The following SLC1A6 variants were observed in gnomAD, a reference collection of about 807,000 sequenced individuals.
The protein encoded by SLC1A6 is excitatory amino acid transporter 4.
SLC1A6 carries 15 observed loss-of-function variants against 42.1 expected under a neutral mutation model. The ratio of observed to expected loss-of-function variants is 0.36; its 90% CI spans 0.24 to 0.55. The LOEUF is 0.55. Among genes scored for constraint, SLC1A6 ranks in the 20% least tolerant of loss-of-function variants. The pLI is 0.88. For missense variants in SLC1A6, 542 were observed against 772.5 expected (o/e 0.70, Z 3.54); for synonymous variants, 317 against 319.7 (o/e 0.99, Z 0.09).
chr19:14,970,264 TCTCA>T (rs2045622670), intron 3 of SLC1A6, among the ~76,000 whole-genome samples: 1 of 151,762 alleles, frequency 6.6e-6, no homozygotes, highest in South Asian at 2.1e-4. Flanking sequence ...AGAGATGGAG[TCTCA>T]CTGTGTTGCC....
At chr19:14,991,285 T>C (rs2045818604) in intron 1 of SLC1A6, among the ~76,000 whole-genome samples, 1 of 152,104 alleles carries the variant, frequency 6.6e-6, no homozygotes, top group Non-Finnish European at 1.5e-5. Context: ...GTTCTGGACC[T>C]AGATAGAGGT....
chr19:14,993,990 G>A (rs781576669), intron 1 of SLC1A6, among the ~76,000 whole-genome samples: 1 of 152,096 alleles, frequency 6.6e-6, no homozygotes, highest in African/African-American at 2.4e-5. Flanking sequence ...AGAAGCTAGC[G>A]GGCCTTTTGC....
intron 7 of SLC1A6, among the ~76,000 whole-genome samples, chr19:14,955,650 T>G (rs1053866427): frequency 4.6e-5 from 7 of 151,296 alleles, no homozygotes; most frequent in African/African-American, 1.7e-4. Flanking sequence ...AAAAGATATT[T>G]TTGGCCGGGC....
intron 1 of SLC1A6, among the ~76,000 whole-genome samples, chr19:15,002,093 GT>G (rs1483639970): frequency 6.6e-6 from 1 of 151,774 alleles, no homozygotes; most frequent in Non-Finnish European, 1.5e-5. Flanking sequence ...TTTTATTATT[GT>G]TTTATTTTGT....
intron 4 of SLC1A6, among the ~76,000 whole-genome samples, chr19:14,967,981 T>A (rs2045593111): frequency 6.6e-6 from 1 of 152,224 alleles, no homozygotes; most frequent in Non-Finnish European, 1.5e-5. Flanking sequence ...CATTTAAATG[T>A]TAAGTAAATG....
chr19:15,002,964 A>ATGTTGTTGTTGT (rs140957015), intron 1 of SLC1A6, among the ~76,000 whole-genome samples: 1 of 150,814 alleles, frequency 6.6e-6, no homozygotes, highest in African/African-American at 2.4e-5. Context: ...TTTTTGTGGG[A>ATGTTGTTGTTGT]TGTTGTTGTT....
chr19:15,000,374 GC>G (rs2145240228), intron 1 of SLC1A6, among the ~76,000 whole-genome samples: 1 of 152,074 alleles, frequency 6.6e-6, no homozygotes, highest in East Asian at 1.9e-4. Flanking sequence ...CTCCCCAATT[GC>G]CCCCAATCCT....
chr19:14,968,717 G>A (rs2045603079), intron 3 of SLC1A6, among the ~76,000 whole-genome samples: 2 of 149,878 alleles, frequency 1.3e-5, no homozygotes, highest in African/African-American at 4.9e-5. Flanking sequence ...ACCCTCACAC[G>A]CCATCCCAAC....
intron 2 of SLC1A6, 87 bp downstream of exon 2, chr19:14,972,619 G>A (rs2045654364): frequency 1.3e-5 from 14 of 1,086,966 alleles, no homozygotes; most frequent in Non-Finnish European, 1.8e-5. Context: ...ATGAAGGGGT[G>A]CAGCAAAGAG....
chr19:14,975,766 GGA>G lies in SLC1A6; in HGVS notation c.-7-2851_-7-2850del, dbSNP rs1491393275. Among the ~76,000 whole-genome samples, 9 of 11,070 alleles carry G rather than the reference GGA, an allele frequency of 8.1e-4. 1 individual carries two copies. The Admixed American group carries it at 8.2e-3, about 10-fold the overall frequency. The allele number at this position is 11,070 out of a possible 152,430, so 7.3% of individuals were successfully genotyped here. A position where few individuals can be genotyped will look rare whatever the true frequency, so the allele number is the denominator to read the frequency against. ...AGACTTTGTCAAAAAAAAAAAAAAA[GGA>G]AAAAAAAAAAAGAAAGAAAGGAGGG... On this transcript the variant is annotated intron_variant, in intron 1 of 9. Transcript: ENST00000594383.
chr19:14,957,725 T>C (rs2045475178), intron 6 of SLC1A6, among the ~76,000 whole-genome samples: 1 of 152,168 alleles, frequency 6.6e-6, no homozygotes. Flanking sequence ...AATGCACTAA[T>C]TGCAAACTTC....
chr19:14,992,993 G>A (rs188888313), intron 1 of SLC1A6, among the ~76,000 whole-genome samples: 39 of 152,148 alleles, frequency 2.6e-4, no homozygotes, highest in Admixed American at 2.2e-3. Context: ...TCTCATTATC[G>A]GCTAACAGCT....
intron 1 of SLC1A6, among the ~76,000 whole-genome samples, chr19:14,999,686 C>G (rs945705897): frequency 6.6e-6 from 1 of 152,164 alleles, no homozygotes; most frequent in Admixed American, 6.5e-5. Flanking sequence ...CACACAGTCT[C>G]CAACTTACAA....
At chr19:14,953,157 C>T (rs1001731522) in intron 8 of SLC1A6, 95 bp from the exon 9 acceptor site, 1 of 913,768 alleles carries the variant, frequency 1.1e-6, no homozygotes, top group Admixed American at 2.4e-5. Context: ...GAGATCAGCT[C>T]CCCAAGGCAT....
chr19:14,983,254 G>T (rs1237744125), upstream of SLC1A6, among the ~76,000 whole-genome samples: 1 of 152,110 alleles, frequency 6.6e-6, no homozygotes, highest in Non-Finnish European at 1.5e-5. Flanking sequence ...CCTATTTGTG[G>T]CCTGTTTAGT....
chr19:14,992,462 C>T (rs938875600), intron 1 of SLC1A6, among the ~76,000 whole-genome samples: 16 of 151,854 alleles, frequency 1.1e-4, no homozygotes, highest in Admixed American at 2.6e-4. Flanking sequence ...GGGTCACGGC[C>T]GGGTGTAGTG....
intron 4 of SLC1A6, among the ~76,000 whole-genome samples, chr19:14,966,965 T>A (rs2189665): frequency 0.39 from 58,846 of 151,826 alleles, 11,831 homozygotes; most frequent in East Asian, 0.6. Flanking sequence ...TGATAGGTGC[T>A]GCAAACCACC....
intron 1 of SLC1A6, among the ~76,000 whole-genome samples, chr19:14,993,118 G>A (rs915721665): frequency 6.6e-6 from 1 of 152,138 alleles, no homozygotes; most frequent in Non-Finnish European, 1.5e-5. Flanking sequence ...CAAGCGAATT[G>A]TCTAAAAGTA....
At chr19:14,954,611 G>A (rs146729474) in intron 7 of SLC1A6, among the ~76,000 whole-genome samples, 132 of 152,140 alleles carry the variant, frequency 8.7e-4, no homozygotes, top group Non-Finnish European at 1.5e-3. Context: ...GCGGGGCTCA[G>A]AGCAGGGCAT....
Sources: allele counts gnomAD v4.1 joint callset (sites outside exome capture counted in the v4.1 genomes callset), GRCh38; gene constraint gnomAD v4.1.1; transcripts MANE v1.5; gene names NCBI Gene and HGNC (gene_info 2026-07-23, HGNC 2026-07-21).